PON1: variants seen among roughly 807,000 people sequenced by gnomAD.
PON1 encodes the protein paraoxonase 1.
In PON1, 37 loss-of-function variants were observed where a neutral mutation model predicts 39.2. That is an observed-to-expected ratio of 0.94 (90% CI 0.73 to 1.24). The LOEUF (loss-of-function observed/expected upper bound fraction) is 1.24. Ranked by LOEUF, PON1 falls within the 50% of genes most tolerant of loss-of-function variation. The probability of loss-of-function intolerance (pLI) is 0.00; values close to 1 mark genes in which losing one functional copy is unlikely to be tolerated. For missense variants in PON1, 397 were observed against 413.5 expected (o/e 0.96, Z 0.35); for synonymous variants, 148 against 152.2 (o/e 0.97, Z 0.21).
At chr7:95,304,358 G>A (rs893268930) in intron 7 of PON1, among the ~76,000 whole-genome samples, 1 of 120,234 alleles carries the variant, frequency 8.3e-6, no homozygotes, top group Admixed American at 9.9e-5. Context: ...TTTAGATGGC[G>A]TTTTGCTCTT....
intron 1 of PON1, among the ~76,000 whole-genome samples, chr7:95,322,400 G>A (rs944112953): frequency 2.3e-4 from 35 of 150,410 alleles, no homozygotes; most frequent in Middle Eastern, 3.4e-3. Flanking sequence ...CCTAATTTTC[G>A]GGTGGAGAAA....
chr7:95,311,497 T>A lies in PON1; in HGVS notation c.451A>T (p.Lys151Ter). 7.4e-6 allele frequency: 12 copies of A among 1,614,172 alleles called. No homozygotes were observed. The highest frequency in any genetic ancestry group is 1.0e-5 in the Non-Finnish European group (12 of 1,179,986). Residue 151 changes from lysine (K) to a stop codon, truncating the protein, a stop_gained, in exon 5 of 9, where the codon AAA becomes TAA. Coordinates refer to ENST00000222381, the MANE Select transcript of PON1 (RefSeq NM_000446.7). LOFTEE classifies it high-confidence loss of function. ...VELFKFQEEE[K>*]SLLHLKTIRH... ...ATGGTTTTTAGATGCAAAAGCGATT[T>A]TTCTTCTTCTTGAAATTTAAACAAC... is the stretch of plus-strand genomic sequence containing the variant.
At position 95,324,504 on chromosome 7, in the gene PON1, G is replaced by A. The variant is rs1471618268; in HGVS notation, c.-29C>T. ...CGGGGATAGACAAAGGGATCGATGG[G>A]CGCAGACACCGACGGGCTAGGAGGC... On this transcript the variant is annotated 5_prime_UTR_variant, in exon 1 of 9. Transcript: ENST00000222381. 2 of 1,607,226 alleles carry A rather than the reference G, an allele frequency of 1.2e-6. No homozygotes were observed. Among genetic ancestry groups the A allele is most frequent in the Non-Finnish European group, 1.7e-6 (2 of 1,174,324 alleles).
chr7:95,303,943 T>C (rs915900511), intron 7 of PON1, among the ~76,000 whole-genome samples: 2 of 152,200 alleles, frequency 1.3e-5, no homozygotes, highest in African/African-American at 4.8e-5. Context: ...CCTGGAATCT[T>C]TTTTTGGAGA....
chr7:95,315,132 AT>A (rs1373372003), intron 4 of PON1, among the ~76,000 whole-genome samples, 189 bp downstream of exon 4: 2 of 152,244 alleles, frequency 1.3e-5, no homozygotes, highest in African/African-American at 4.8e-5. Flanking sequence ...ATATTTTAGC[AT>A]TCTCAAGTAT....
Position 95,306,331 on chromosome 7 carries a change from A to C in PON1, c.734T>G (p.Ile245Ser), listed in dbSNP as rs895782898. Residue 245 changes from isoleucine to serine, a missense_variant, in exon 7 of 9, where the codon ATT becomes AGT. Coordinates refer to ENST00000222381, the MANE Select transcript of PON1 (RefSeq NM_000446.7). ...ATTAGCATGCTTTTCATACACATGA[A>C]TCTTATGAGCCAGCAACTCAGCTAT... ...VYIAELLAHKIHVYEKHANWT... is the reference protein window; with the variant it reads ...VYIAELLAHKSHVYEKHANWT... The C allele has an allele frequency of 6.2e-7, 1 of 1,613,140 alleles. No homozygotes were observed. Among genetic ancestry groups the C allele is most frequent in the Non-Finnish European group, 8.5e-7 (1 of 1,179,282 alleles).
At position 95,318,423 on chromosome 7, in the gene PON1, C is replaced by A. The variant is rs768714016; in HGVS notation, c.75-30G>T. 1.2e-5 allele frequency: 19 copies of A among 1,542,824 alleles called. No individual in the cohort carries two copies. The Admixed American group carries it at 3.2e-4, about 26-fold the overall frequency. Reference sequence around the variant, plus strand: ...GGGGGAGAAAGAAATAAAACACACACAAAACTATTCAGAAATTATAATAAG... The same window carrying A: ...GGGGGAGAAAGAAATAAAACACACAAAAAACTATTCAGAAATTATAATAAG... On this transcript the variant is annotated intron_variant, in intron 1 of 8. Transcript: ENST00000222381.
At chr7:95,322,622 G>A (rs961184438) in intron 1 of PON1, among the ~76,000 whole-genome samples, 15 of 152,108 alleles carry the variant, frequency 9.9e-5, no homozygotes, top group African/African-American at 3.6e-4. Flanking sequence ...CTCACGTATT[G>A]CAATTAGCAA....
chr7:95,323,277 T>C (rs182474419), intron 1 of PON1, among the ~76,000 whole-genome samples: 2 of 152,302 alleles, frequency 1.3e-5, no homozygotes, highest in Non-Finnish European at 2.9e-5. Context: ...CCTTTATCTA[T>C]ATATTTTTAT....
Position 95,324,527 on chromosome 7 carries a change from G to A in PON1, c.-52C>T. On this transcript the variant is annotated 5_prime_UTR_variant, in exon 1 of 9. Coordinates refer to ENST00000222381, the MANE Select transcript of PON1 (RefSeq NM_000446.7). The stretch of plus-strand genomic sequence containing the variant: ...GGGCGCAGACACCGACGGGCTAGGA[G>A]GCTCTGCCTGCCTGCAGCCGCAGCC... The A allele has an allele frequency of 3.9e-6, 6 of 1,556,362 alleles. No individual in the cohort carries two copies. The highest frequency in any genetic ancestry group is 5.3e-6 in the Non-Finnish European group (6 of 1,132,032).
chr7:95,318,316 T>C lies in PON1; in HGVS notation c.145+7A>G. 1 of 1,595,528 alleles carries C rather than the reference T, an allele frequency of 6.3e-7. No individual in the cohort carries two copies. Among genetic ancestry groups the C allele is most frequent in the Non-Finnish European group, 8.6e-7 (1 of 1,163,242 alleles). ...AAATGAGACCCTTCTTCCTCTCACA[T>C]ACATACCGATTCCTTTAACTAAATT... On this transcript the variant is annotated splice_region_variant and intron_variant, in intron 2 of 8. Coordinates refer to ENST00000222381, the MANE Select transcript of PON1 (RefSeq NM_000446.7).
At chr7:95,307,943 A>G in intron 6 of PON1, 68 bp downstream of exon 6, 1 of 1,418,284 alleles carries the variant, frequency 7.1e-7, no homozygotes, top group East Asian at 2.4e-5. Context: ...TACTTAAAAA[A>G]AGAATATATT....
chr7:95,322,918 C>G (rs1181886119), intron 1 of PON1, among the ~76,000 whole-genome samples: 1 of 152,120 alleles, frequency 6.6e-6, no homozygotes. Context: ...ATATAGCTTC[C>G]TGTGAGCCGC....
At chr7:95,310,312 A>G (rs1017862495) in intron 5 of PON1, among the ~76,000 whole-genome samples, 1 of 152,332 alleles carries the variant, frequency 6.6e-6, no homozygotes, top group African/African-American at 2.4e-5. Context: ...GAGAAAGCTC[A>G]TTTATTAGTG....
chr7:95,310,598 C>T (rs1380987457), intron 5 of PON1, among the ~76,000 whole-genome samples: 1 of 152,144 alleles, frequency 6.6e-6, no homozygotes, highest in African/African-American at 2.4e-5. Context: ...TTTCCTCATC[C>T]TCAAACCACC....
chr7:95,317,573 C>CAAAAAAAAAAAAAAAAAA (rs869140411), intron 2 of PON1, among the ~76,000 whole-genome samples: 1 of 46,862 alleles, frequency 2.1e-5, no homozygotes, highest in Non-Finnish European at 4.8e-5. Flanking sequence ...TCTAAAAGAA[C>CAAAAAAAAAAAAAAAAAA]AAAAAAAAAA....
chr7:95,302,396 A>C (rs1807455749), intron 7 of PON1, 63 bp from the exon 8 acceptor site: 1 of 1,480,956 alleles, frequency 6.8e-7, no homozygotes, highest in Admixed American at 1.7e-5. Context: ...TGATGGAGCA[A>C]AATATATCAG....
Position 95,298,809 on chromosome 7 carries a change from AGTG to A in PON1, c.*132_*134del. The A allele has an allele frequency of 9.3e-7, 1 of 1,078,032 alleles. No homozygotes were observed. Among genetic ancestry groups the A allele is most frequent in the South Asian group, 1.3e-5 (1 of 76,260 alleles). The allele number at this position is 1,078,032 out of a possible 1,614,324, so 66.8% of individuals were successfully genotyped here. ...CACATCATATCACTCCCAGTTAAACAGTGCTTTGATGCTTCATGATGTCCACAT... is the reference window on the plus strand; with the variant it reads ...CACATCATATCACTCCCAGTTAAACACTTTGATGCTTCATGATGTCCACAT... On this transcript the variant is annotated 3_prime_UTR_variant, in exon 9 of 9. Transcript: ENST00000222381.
intron 1 of PON1, among the ~76,000 whole-genome samples, chr7:95,322,643 AG>A (rs1398799092): frequency 2.6e-5 from 4 of 152,168 alleles, no homozygotes; most frequent in Non-Finnish European, 4.4e-5. Context: ...TGTAGGGACA[AG>A]GAAGTTGCCA....
Sources: allele counts gnomAD v4.1 joint callset (sites outside exome capture counted in the v4.1 genomes callset), GRCh38; gene constraint gnomAD v4.1.1; transcripts MANE v1.5; gene names NCBI Gene and HGNC (gene_info 2026-07-23, HGNC 2026-07-21).